VTI1A: variants seen among roughly 807,000 people sequenced by gnomAD.
VTI1A encodes the protein vesicle transport through interaction with t-SNAREs homolog 1A.
VTI1A carries 22 observed loss-of-function variants against 34.9 expected under a neutral mutation model. That is an observed-to-expected ratio of 0.63 (90% confidence interval 0.45 to 0.90). The LOEUF (loss-of-function observed/expected upper bound fraction) is 0.90, where lower values mean the gene tolerates loss of function less well. Ranked by LOEUF, VTI1A falls within the 40% of genes least tolerant of loss-of-function variation. The pLI, the probability that VTI1A is intolerant of heterozygous loss-of-function variation, is 0.00. For missense variants in VTI1A, 268 were observed against 275.6 expected (o/e 0.97, Z 0.20); for synonymous variants, 87 against 97.3 (o/e 0.89, Z 0.62).
chr10:112,636,102 TC>T (rs1846342697), intron 5 of VTI1A, among the ~76,000 whole-genome samples: 1 of 152,126 alleles, frequency 6.6e-6, no homozygotes, highest in Admixed American at 6.6e-5. Flanking sequence ...GGGAGAGAGA[TC>T]CGAGGGTTGG....
intron 7 of VTI1A, among the ~76,000 whole-genome samples, chr10:112,746,910 G>A (rs1044355430): frequency 1.5e-4 from 23 of 152,130 alleles, no homozygotes; most frequent in Admixed American, 2.6e-4. Context: ...TACAGTCCCT[G>A]GGCCAAGAAT....
At chr10:112,597,959 A>C (rs1844730378) in intron 5 of VTI1A, among the ~76,000 whole-genome samples, 1 of 151,766 alleles carries the variant, frequency 6.6e-6, no homozygotes. Context: ...TGCCTCCCAA[A>C]GTGCTGGGAT....
intron 7 of VTI1A, among the ~76,000 whole-genome samples, chr10:112,695,636 G>A (rs1387863529): frequency 2.0e-5 from 3 of 152,132 alleles, no homozygotes; most frequent in South Asian, 2.1e-4. Context: ...TCTCTGGGAG[G>A]CTCATTCCAG....
At chr10:112,808,089 A>T (rs967997914) in intron 7 of VTI1A, among the ~76,000 whole-genome samples, 1 of 151,952 alleles carries the variant, frequency 6.6e-6, no homozygotes, top group Non-Finnish European at 1.5e-5. Flanking sequence ...GCGGTGGTGC[A>T]TGCCTGTAGT....
At chr10:112,700,136 C>CAAAAAAAAAAAAAAAAAAAAAAAAA (rs1848955763) in intron 7 of VTI1A, among the ~76,000 whole-genome samples, 1 of 108,264 alleles carries the variant, frequency 9.2e-6, no homozygotes. Context: ...AAAAAAAAAA[C>CAAAAAAAAAAAAAAAAAAAAAAAAA]AAAACAAAAA....
At chr10:112,667,327 GGAGTAAGGCA>G (rs1175492009) in intron 5 of VTI1A, among the ~76,000 whole-genome samples, 1 of 152,090 alleles carries the variant, frequency 6.6e-6, no homozygotes, top group Non-Finnish European at 1.5e-5. Context: ...CTTCTAGTAT[GGAGTAAGGCA>G]CCTCCCAGGT....
chr10:112,820,251 A>G (rs1359492739), downstream of VTI1A, among the ~76,000 whole-genome samples: 1 of 152,246 alleles, frequency 6.6e-6, no homozygotes, highest in Non-Finnish European at 1.5e-5. Flanking sequence ...AAAGGTACCA[A>G]GAGCCATTTT....
intron 5 of VTI1A, among the ~76,000 whole-genome samples, chr10:112,603,551 GT>G (rs1287258903): frequency 5.3e-5 from 8 of 151,924 alleles, no homozygotes; most frequent in Admixed American, 2.6e-4. Context: ...TTCCCAGTAG[GT>G]TTTTTTCCCT....
At chr10:112,474,606 C>G (rs1365492535) in intron 3 of VTI1A, among the ~76,000 whole-genome samples, 1 of 152,026 alleles carries the variant, frequency 6.6e-6, no homozygotes, top group East Asian at 1.9e-4. Context: ...TTGGTGCAAG[C>G]CACCACAGCT....
chr10:112,494,286 T>A (rs1360117046), intron 3 of VTI1A, among the ~76,000 whole-genome samples: 1 of 152,116 alleles, frequency 6.6e-6, no homozygotes, highest in Non-Finnish European at 1.5e-5. Context: ...CTGTAACAAA[T>A]GTCTCCTCTT....
In VTI1A at chr10:112,602,043, A is replaced by C. The variant is rs144339982; in HGVS notation, c.427+63713A>C. Among the ~76,000 whole-genome samples the C allele has an allele frequency of 8.8e-3, 1,341 of 152,284 alleles. 24 individuals carry two copies. The highest frequency in any genetic ancestry group is 0.03 in the African/African-American group (1,240 of 41,532). On this transcript the variant is annotated intron_variant, in intron 5 of 7. Transcript: ENST00000393077. ...GCCATTAAAAATGAGAAGAACTGAAACATGCAGGCATTAGTTCCTCACATG... is the reference window on the plus strand; with the variant it reads ...GCCATTAAAAATGAGAAGAACTGAACCATGCAGGCATTAGTTCCTCACATG...
chr10:112,595,786 A>G (rs1026856876), intron 5 of VTI1A, among the ~76,000 whole-genome samples: 1 of 151,736 alleles, frequency 6.6e-6, no homozygotes, highest in African/African-American at 2.4e-5. Context: ...TAGAAATACC[A>G]TTTGACCCAG....
chr10:112,789,929 T>C (rs978736600), intron 7 of VTI1A, among the ~76,000 whole-genome samples: 1 of 150,178 alleles, frequency 6.7e-6, no homozygotes, highest in Admixed American at 6.7e-5. Flanking sequence ...CCTGAATATA[T>C]AGATCACACC....
intron 5 of VTI1A, among the ~76,000 whole-genome samples, chr10:112,660,814 C>G (rs969782945): frequency 2.0e-5 from 3 of 152,140 alleles, no homozygotes; most frequent in Non-Finnish European, 2.9e-5. Context: ...AAATATGCTA[C>G]TTTACATAAA....
intron 7 of VTI1A, among the ~76,000 whole-genome samples, chr10:112,756,929 C>T (rs1851301453): frequency 6.6e-6 from 1 of 151,954 alleles, no homozygotes; most frequent in South Asian, 2.1e-4. Flanking sequence ...GCCTGTAGTC[C>T]CAGCTACTCA....
intron 5 of VTI1A, among the ~76,000 whole-genome samples, chr10:112,539,213 C>A (rs1850768830): frequency 6.6e-6 from 1 of 152,092 alleles, no homozygotes; most frequent in South Asian, 2.1e-4. Flanking sequence ...AATATGTAAT[C>A]AACAATGTTT....
intron 5 of VTI1A, among the ~76,000 whole-genome samples, chr10:112,592,377 C>T (rs1329983259): frequency 6.6e-6 from 1 of 152,160 alleles, no homozygotes; most frequent in Non-Finnish European, 1.5e-5. Context: ...TGCCCTTCCC[C>T]CACCATTGCT....
intron 7 of VTI1A, among the ~76,000 whole-genome samples, chr10:112,705,419 T>C (rs1256666038): frequency 6.6e-6 from 1 of 152,112 alleles, no homozygotes; most frequent in Non-Finnish European, 1.5e-5. Context: ...TTATCCCACA[T>C]GGCATCCATG....
At chr10:112,696,191 C>T (rs1429112133) in intron 7 of VTI1A, among the ~76,000 whole-genome samples, 3 of 151,696 alleles carry the variant, frequency 2.0e-5, no homozygotes, top group Non-Finnish European at 4.4e-5. Flanking sequence ...TTATCTTATT[C>T]TATTTTCTAT....
Sources: gnomAD v4.1 joint callset for allele counts (sites outside exome capture counted in the v4.1 genomes callset) on GRCh38, gnomAD v4.1.1 for gene constraint, MANE v1.5 for transcripts, NCBI Gene and HGNC (gene_info 2026-07-23, HGNC 2026-07-21) for gene names.